The following DMD variants were observed in gnomAD, a reference collection of about 807,000 sequenced individuals.
DMD encodes the protein mutant dystrophin.
In DMD, 63 loss-of-function variants were observed where a neutral mutation model predicts 330.1. That is an observed-to-expected ratio of 0.19 (90% confidence interval 0.16 to 0.24). The LOEUF (loss-of-function observed/expected upper bound fraction) is 0.24, where lower values mean the gene tolerates loss of function less well. DMD is among the 10% of genes least tolerant of loss of function. DMD has a pLI of 1.00. For missense variants in DMD, 3,344 were observed against 2,684.1 expected (o/e 1.25, Z -5.43); for synonymous variants, 1,223 against 959.8 (o/e 1.27, Z -5.07).
At chrX:31,330,644 A>G (rs936111991) in intron 61 of DMD, among the ~76,000 whole-genome samples, 16 of 112,366 alleles carry the variant, frequency 1.4e-4, no homozygotes, top group African/African-American at 5.2e-4. Flanking sequence ...GAATTTGCTT[A>G]GGGTTTCTTT....
At chrX:32,728,556 G>C (rs2067157693) in intron 7 of DMD, among the ~76,000 whole-genome samples, 1 of 111,602 alleles carries the variant, frequency 9.0e-6, no homozygotes, top group African/African-American at 3.3e-5. Flanking sequence ...CCACATAAAT[G>C]TCATGTTAAT....
chrX:32,443,635 T>C (rs780137265), intron 27 of DMD, among the ~76,000 whole-genome samples: 2 of 111,480 alleles, frequency 1.8e-5, no homozygotes, highest in Admixed American at 9.6e-5. Flanking sequence ...TAGCTTCTTC[T>C]GTCCTCAATG....
At chrX:32,252,747 TATATATAA>T (rs2097274249) in intron 43 of DMD, among the ~76,000 whole-genome samples, 2 of 35,011 alleles carry the variant, frequency 5.7e-5, no homozygotes, top group African/African-American at 1.4e-4. Context: ...TATATATAAA[TATATATAA>T]ATATATAAAT....
rs114251012 is a variant in DMD at position 32,607,649 on chromosome X, G to A, written c.1482+6654C>T. On this transcript the variant is annotated intron_variant, in intron 12 of 78. Transcript: ENST00000357033. Reference sequence around the variant, plus strand: ...CAACCTTATATTTTAACACGGGATTGGATTTACGGACATGCATTTTGTTAT... The same window carrying A: ...CAACCTTATATTTTAACACGGGATTAGATTTACGGACATGCATTTTGTTAT... 4.4e-3 allele frequency among the ~76,000 whole-genome samples: 482 copies of A among 110,184 alleles called. 3 individuals are homozygous for A. The highest frequency in any genetic ancestry group is 0.015 in the African/African-American group (455 of 30,590).
upstream of DMD, among the ~76,000 whole-genome samples, chrX:33,213,829 A>G (rs184798091): frequency 1.8e-5 from 2 of 110,813 alleles, no homozygotes; most frequent in East Asian, 5.7e-4. Flanking sequence ...ACATATTTCT[A>G]TTTCATCACT....
rs1373063100 is a variant in DMD, at chrX:32,047,928, C to A, written c.6439-79414G>T. Among the ~76,000 whole-genome samples the A allele has an allele frequency of 2.8e-5, 3 of 108,378 alleles. No individual in the cohort carries two copies. The East Asian group carries it at 8.7e-4, about 31-fold the overall frequency. 94.1% of individuals were successfully genotyped at this position (108,378 alleles called of 115,157 possible). A position where few individuals can be genotyped will look rare whatever the true frequency, so the allele number is the denominator to read the frequency against. ...TGCATTGAAATTTAATTGTTGGTAT[C>A]TTCACACTTTTGCTGACTATATTAA... On this transcript the variant is annotated intron_variant, in intron 44 of 78. Transcript: ENST00000357033.
At chrX:32,825,178 G>A (rs1480449335) in intron 4 of DMD, among the ~76,000 whole-genome samples, 4 of 111,631 alleles carry the variant, frequency 3.6e-5, no homozygotes, top group Non-Finnish European at 5.6e-5. Flanking sequence ...CTATTTTTAG[G>A]AAACATACTC....
intron 43 of DMD, among the ~76,000 whole-genome samples, chrX:32,281,621 C>T (rs2097421093): frequency 9.0e-6 from 1 of 111,577 alleles, no homozygotes; most frequent in Non-Finnish European, 1.9e-5. Flanking sequence ...TCCTATCTGA[C>T]CTCTAAACTC....
chrX:32,165,713 G>A (rs183677969), intron 44 of DMD, among the ~76,000 whole-genome samples: 10 of 111,653 alleles, frequency 9.0e-5, no homozygotes, highest in Non-Finnish European at 1.9e-4. Context: ...AAAATGATAT[G>A]TTTGGGCTTT....
intron 1 of DMD, among the ~76,000 whole-genome samples, chrX:33,334,503 C>T (rs1003010922): frequency 8.1e-5 from 9 of 111,264 alleles, no homozygotes; most frequent in Non-Finnish European, 1.3e-4. Flanking sequence ...GTCATAAGTA[C>T]TCAACTGTGT....
chrX:32,394,921 A>AAAAAAAAAAAAAAAAAAAAAAAAAAAC (rs1557326840), intron 30 of DMD, among the ~76,000 whole-genome samples: 1 of 63,723 alleles, frequency 1.6e-5, no homozygotes, highest in Admixed American at 2.1e-4. Flanking sequence ...AAAAACAAAA[A>AAAAAAAAAAAAAAAAAAAAAAAAAAAC]AAAAAAAAAA....
chrX:31,843,217 T>C (rs1009723489), intron 48 of DMD, among the ~76,000 whole-genome samples: 1 of 111,853 alleles, frequency 8.9e-6, no homozygotes, highest in Non-Finnish European at 1.9e-5. Flanking sequence ...AATGATTTAT[T>C]TACTTTTGGA....
At chrX:32,418,254 C>A (rs777803778) in intron 29 of DMD, among the ~76,000 whole-genome samples, 1 of 110,964 alleles carries the variant, frequency 9.0e-6, no homozygotes, top group African/African-American at 3.3e-5. Context: ...ACACAGTCCA[C>A]GAATTCAGCA....
In DMD at chrX:31,239,714, T is replaced by C. The variant is rs761280268; in HGVS notation, c.9287-16593A>G. On this transcript the variant is annotated intron_variant, in intron 63 of 78. Coordinates refer to ENST00000357033, the MANE Select transcript of DMD (RefSeq NM_004006.3). ...CCCAAAAGCAAGCAGGGTCTAATTT[T>C]CCCCTGTTAAGAGTGGTTTCTAGAC... Among the ~76,000 whole-genome samples the C allele has an allele frequency of 1.4e-4, 16 of 112,100 alleles. No individual in the cohort carries two copies. In the South Asian group the frequency reaches 6.0e-3, roughly 42 times the overall value.
At chrX:31,473,699 G>C (rs1373103694) in intron 59 of DMD, among the ~76,000 whole-genome samples, 7 of 73,504 alleles carry the variant, frequency 9.5e-5, no homozygotes, top group African/African-American at 4.7e-4. Flanking sequence ...GTGACAGAGT[G>C]AGACTCTGTC....
At chrX:32,806,328 T>C (rs966313022) in intron 7 of DMD, among the ~76,000 whole-genome samples, 2 of 107,700 alleles carry the variant, frequency 1.9e-5, no homozygotes, top group Admixed American at 9.8e-5. Context: ...AACAAAGATT[T>C]AAAAAAAACA....
rs991492239 is a variant in DMD, at chrX:33,283,557, C to T, written c.7+55702G>A. ...AAAAAAAAAAAAACATCAACTATAC[C>T]AAGTGATGAGTAGAATGACTGTACT... On this transcript the variant is annotated intron_variant, in intron 1 of 17. Transcript: ENST00000288447. Among the ~76,000 whole-genome samples, 3 of 107,965 alleles carry T rather than the reference C, an allele frequency of 2.8e-5. No homozygotes were observed. In the Admixed American group the frequency reaches 3.0e-4, roughly 11 times the overall value. 93.8% of individuals were successfully genotyped at this position (107,965 alleles called of 115,157 possible).
At chrX:33,016,831 A>T (rs2093812104) in intron 2 of DMD, among the ~76,000 whole-genome samples, 1 of 111,992 alleles carries the variant, frequency 8.9e-6, no homozygotes, top group Non-Finnish European at 1.9e-5. Context: ...ATTTTTGGTC[A>T]TGTTTTCAAA....
chrX:33,305,786 C>T (rs1031096929), intron 1 of DMD, among the ~76,000 whole-genome samples: 1 of 111,012 alleles, frequency 9.0e-6, no homozygotes, highest in South Asian at 3.8e-4. Context: ...ATTACGTTTT[C>T]CTCCCATGGT....
Sources: allele counts gnomAD v4.1 joint callset (sites outside exome capture counted in the v4.1 genomes callset), GRCh38; gene constraint gnomAD v4.1.1; transcripts MANE v1.5; gene names NCBI Gene and HGNC (gene_info 2026-07-23, HGNC 2026-07-21).